The following EPHA6 variants were observed in gnomAD, a reference collection of about 807,000 sequenced individuals.
EPHA6 encodes EPH receptor A6, also known as ephrin type-A receptor 6.
Under a neutral mutation model 112.0 loss-of-function variants are expected in EPHA6, and 50 were observed. That is an observed-to-expected ratio of 0.45 (90% CI 0.36 to 0.56). EPHA6 has a LOEUF of 0.56. EPHA6 is among the 20% of genes least tolerant of loss of function. The pLI, the probability that EPHA6 is intolerant of heterozygous loss-of-function variation, is 0.00. For synonymous variants in EPHA6, 529 were observed against 490.7 expected (o/e 1.08, Z -1.03); for missense variants, 1,280 against 1,417.4 (o/e 0.90, Z 1.56).
At position 97,525,110 on chromosome 3, in the gene EPHA6, G is replaced by A. The variant is rs182325307; in HGVS notation, c.2201-7248G>A. 2.1e-4 allele frequency among the ~76,000 whole-genome samples: 32 copies of A among 151,652 alleles called. No individual in the cohort carries two copies. The East Asian group carries it at 6.0e-3, about 29-fold the overall frequency. On this transcript the variant is annotated intron_variant, in intron 10 of 17. Coordinates refer to ENST00000389672, the MANE Select transcript of EPHA6 (RefSeq NM_001080448.3). ...TGTATCTCTGTCTCGCTTCTCCTTT[G>A]GATACTCTCATAAATTTTATATTTG...
At chr3:96,981,760 A>G (rs879159757) in intron 2 of EPHA6, among the ~76,000 whole-genome samples, 2 of 151,984 alleles carry the variant, frequency 1.3e-5, no homozygotes, top group Non-Finnish European at 2.9e-5. Flanking sequence ...CAGAGATTCA[A>G]CTTCTTCCTG....
intron 3 of EPHA6, among the ~76,000 whole-genome samples, chr3:97,211,298 T>C (rs544245530): frequency 6.6e-6 from 1 of 152,304 alleles, no homozygotes; most frequent in East Asian, 1.9e-4. Context: ...AATAATAAAA[T>C]GGTAGACACC....
chr3:97,283,336 A>C (rs1389371893), intron 5 of EPHA6, among the ~76,000 whole-genome samples: 1 of 152,192 alleles, frequency 6.6e-6, no homozygotes, highest in Non-Finnish European at 1.5e-5. Flanking sequence ...ATAAATGGGA[A>C]TAAATATCTC....
rs149806839 is a variant in EPHA6 at position 97,052,571 on chromosome 3, T to C, written c.1114+64578T>C. Reference sequence around the variant, plus strand: ...AATAATTTAATGGAGGAATGCATCATTGAATGTATGGGAAAGTAAAGGTGT... The same window carrying C: ...AATAATTTAATGGAGGAATGCATCACTGAATGTATGGGAAAGTAAAGGTGT... On this transcript the variant is annotated intron_variant, in intron 3 of 17. Coordinates refer to ENST00000389672, the MANE Select transcript of EPHA6 (RefSeq NM_001080448.3). Among the ~76,000 whole-genome samples, 939 of 152,238 alleles carry C rather than the reference T, an allele frequency of 6.2e-3. 12 individuals are homozygous for C. The highest frequency in any genetic ancestry group is 0.021 in the African/African-American group (886 of 41,558).
At chr3:97,179,849 G>A (rs1264858895) in intron 3 of EPHA6, among the ~76,000 whole-genome samples, 2 of 151,304 alleles carry the variant, frequency 1.3e-5, no homozygotes, top group African/African-American at 4.9e-5. Flanking sequence ...CTTGAAGCCA[G>A]CACAGCACTA....
At chr3:96,922,990 A>G (rs2039851202) in intron 2 of EPHA6, among the ~76,000 whole-genome samples, 1 of 152,184 alleles carries the variant, frequency 6.6e-6, no homozygotes, top group Non-Finnish European at 1.5e-5. Context: ...TTATGGCTGC[A>G]TAGTATTCCA....
intron 10 of EPHA6, among the ~76,000 whole-genome samples, chr3:97,529,304 G>T (rs2107641361): frequency 6.6e-6 from 1 of 151,836 alleles, no homozygotes; most frequent in East Asian, 1.9e-4. Flanking sequence ...CAACAAATTG[G>T]GATAATACTA....
intron 1 of EPHA6, among the ~76,000 whole-genome samples, chr3:96,853,496 A>G (rs2107384356): frequency 6.6e-6 from 1 of 151,816 alleles, no homozygotes; most frequent in Admixed American, 6.6e-5. Flanking sequence ...CTGTGTGGAG[A>G]GCACCATCTG....
At chr3:97,716,201 A>G (rs2034211815) in intron 14 of EPHA6, among the ~76,000 whole-genome samples, 1 of 152,252 alleles carries the variant, frequency 6.6e-6, no homozygotes, top group Admixed American at 6.5e-5. Context: ...ATATGATTCA[A>G]GATCATGGGC....
intron 1 of EPHA6, among the ~76,000 whole-genome samples, chr3:96,853,511 G>GT (rs1327820642): frequency 6.6e-6 from 1 of 151,756 alleles, no homozygotes; most frequent in Non-Finnish European, 1.5e-5. Context: ...CATCTGATTT[G>GT]TTTTATTCTG....
intron 14 of EPHA6, among the ~76,000 whole-genome samples, chr3:97,715,223 G>A (rs886223595): frequency 6.6e-6 from 1 of 152,154 alleles, no homozygotes; most frequent in Non-Finnish European, 1.5e-5. Flanking sequence ...CTGAGAAATT[G>A]TGGGCAAATG....
chr3:96,826,417 G>A (rs2033661847), intron 1 of EPHA6, among the ~76,000 whole-genome samples: 1 of 151,948 alleles, frequency 6.6e-6, no homozygotes, highest in Non-Finnish European at 1.5e-5. Flanking sequence ...AGAATATTAA[G>A]AGGCTTAAAT....
intron 13 of EPHA6, among the ~76,000 whole-genome samples, chr3:97,636,077 T>TCC (rs1162172150): frequency 6.6e-6 from 1 of 152,108 alleles, no homozygotes; most frequent in Non-Finnish European, 1.5e-5. Flanking sequence ...TATGTGATTC[T>TCC]CCCTGCAATT....
intron 3 of EPHA6, among the ~76,000 whole-genome samples, chr3:97,167,807 G>C (rs895649549): frequency 6.6e-6 from 1 of 151,698 alleles, no homozygotes; most frequent in Non-Finnish European, 1.5e-5. Flanking sequence ...ATGGATAATA[G>C]GTTTTCAAAA....
chr3:97,696,772 G>T (rs959887156), intron 14 of EPHA6, among the ~76,000 whole-genome samples: 7 of 152,114 alleles, frequency 4.6e-5, no homozygotes, highest in Admixed American at 3.9e-4. Flanking sequence ...CTCAAAAGAG[G>T]AGGGTAGTAT....
intron 6 of EPHA6, among the ~76,000 whole-genome samples, chr3:97,416,503 CA>C (rs2107161170): frequency 6.6e-6 from 1 of 152,064 alleles, no homozygotes; most frequent in Non-Finnish European, 1.5e-5. Context: ...GTAAAGGGAA[CA>C]TAAGTGTGAA....
At chr3:96,980,120 C>T (rs527272252) in intron 2 of EPHA6, among the ~76,000 whole-genome samples, 4 of 152,238 alleles carry the variant, frequency 2.6e-5, no homozygotes, top group Non-Finnish European at 4.4e-5. Flanking sequence ...ACATGAAGTC[C>T]TTGCCCATGC....
chr3:96,855,712 A>G (rs756179305), intron 1 of EPHA6, among the ~76,000 whole-genome samples: 5 of 151,982 alleles, frequency 3.3e-5, no homozygotes, highest in Non-Finnish European at 5.9e-5. Context: ...AATACAGAAG[A>G]GATTCCTGAA....
Position 97,329,839 on chromosome 3 carries a change from A to G in EPHA6, c.1607-75311A>G, listed in dbSNP as rs1201338683. Among the ~76,000 whole-genome samples, 3 of 151,906 alleles carry G rather than the reference A, an allele frequency of 2.0e-5. No homozygotes were observed. The East Asian group carries it at 5.8e-4, about 29-fold the overall frequency. ...TAGTTTAATTAGATCCCATTTGTCA[A>G]TTTTGGCTTTTGTTGCCATTGCTTT... On this transcript the variant is annotated intron_variant, in intron 5 of 17. Coordinates refer to ENST00000389672, the MANE Select transcript of EPHA6 (RefSeq NM_001080448.3).
Sources: gnomAD v4.1 joint callset for allele counts (sites outside exome capture counted in the v4.1 genomes callset) on GRCh38, gnomAD v4.1.1 for gene constraint, MANE v1.5 for transcripts, NCBI Gene and HGNC (gene_info 2026-07-23, HGNC 2026-07-21) for gene names.